Variants in KRTAP20-2 observed in about 807,000 individuals in gnomAD.
KRTAP20-2 encodes keratin-associated protein 20-2.
A neutral mutation model predicts 5.2 loss-of-function variants in KRTAP20-2; 7 were observed. The observed-to-expected ratio is 1.36, with a 90% CI of 0.77 to 2.55. KRTAP20-2 has a LOEUF of 2.55. Ranked by LOEUF, KRTAP20-2 falls within the 30% of genes most tolerant of loss-of-function variation. KRTAP20-2 has a pLI of 0.00. For synonymous variants in KRTAP20-2, 32 were observed against 33.7 expected (o/e 0.95, Z 0.17); for missense variants, 84 against 84.0 (o/e 1.00, Z 0.00).
At position 30,635,368 on chromosome 21, in the gene KRTAP20-2, G is replaced by C. The variant is rs201301497; in HGVS notation, c.105G>C (p.Leu35=). 57 of 1,607,192 alleles carry C rather than the reference G, an allele frequency of 3.5e-5. 1 individual carries two copies. In the Middle Eastern group the frequency reaches 5.1e-3, roughly 144 times the overall value. ...GTTATGGCCATGGCTATGGAGGCCTGGGCTGTGGCTATGGCCGTGGCTATG... is the reference window on the plus strand; with the variant it reads ...GTTATGGCCATGGCTATGGAGGCCTCGGCTGTGGCTATGGCCGTGGCTATG... ...GCGYGHGYGG[L]GCGYGRGYGG... The change falls in exon 1 of 1, where the codon CTG becomes CTC. Residue 35 remains leucine (L), a synonymous_variant. Coordinates refer to ENST00000330798, the MANE Select transcript of KRTAP20-2 (RefSeq NM_181616.3).
Sources: allele counts gnomAD v4.1 joint callset, GRCh38; gene constraint gnomAD v4.1.1; transcripts MANE v1.5; gene names NCBI Gene and HGNC (gene_info 2026-07-23, HGNC 2026-07-21).